Variants in TXNRD1 observed in about 807,000 individuals in gnomAD.
The protein encoded by TXNRD1 is thioredoxin reductase 1, also known as thioredoxin reductase 1, cytoplasmic.
A neutral mutation model predicts 80.3 loss-of-function variants in TXNRD1; 57 were observed. That is an observed-to-expected ratio of 0.71 (90% CI 0.57 to 0.89). The LOEUF (loss-of-function observed/expected upper bound fraction) is 0.89, where lower values mean the gene tolerates loss of function less well. Ranked by LOEUF, TXNRD1 falls within the 40% of genes least tolerant of loss-of-function variation. TXNRD1 has a pLI of 0.00. For missense variants in TXNRD1, 730 were observed against 803.0 expected (o/e 0.91, Z 1.10); for synonymous variants, 291 against 285.2 (o/e 1.02, Z -0.20).
intron 1 of TXNRD1, among the ~76,000 whole-genome samples, chr12:104,230,463 C>T (rs1458358847): frequency 6.6e-6 from 1 of 152,092 alleles, no homozygotes. Context: ...CCAAATTTTC[C>T]ACATCCTTGT....
chr12:104,253,002 G>A (rs971797701), intron 2 of TXNRD1, among the ~76,000 whole-genome samples: 2 of 151,520 alleles, frequency 1.3e-5, no homozygotes, highest in Admixed American at 6.6e-5. Context: ...GCGCCCGGCC[G>A]ATTTTATTAT....
chr12:104,321,088 CAG>C lies in TXNRD1; in HGVS notation c.990-2_990-1del. On this transcript the variant is annotated splice_acceptor_variant, in intron 9 of 16. Coordinates refer to ENST00000525566, the MANE Select transcript of TXNRD1 (RefSeq NM_001093771.3). LOFTEE classifies it high-confidence loss of function. Reference sequence around the variant, plus strand: ...TTCTTCCTTTTTTTTTTTTTTCCCCCAGTGATGATCTTTTCTCCTTGCCTTAC... The same window carrying C: ...TTCTTCCTTTTTTTTTTTTTTCCCCCTGATGATCTTTTCTCCTTGCCTTAC... The C allele has an allele frequency of 1.9e-6, 3 of 1,580,562 alleles. No homozygotes were observed. In the South Asian group the frequency reaches 3.4e-5, roughly 18 times the overall value.
intron 4 of TXNRD1, among the ~76,000 whole-genome samples, chr12:104,290,755 A>G (rs865813696): frequency 2.5e-4 from 29 of 115,070 alleles, no homozygotes; most frequent in African/African-American, 5.7e-4. Flanking sequence ...ATATATATAT[A>G]TATGTATATT....
At chr12:104,305,080 A>T in intron 4 of TXNRD1, 1 of 847,506 alleles carries the variant, frequency 1.2e-6, no homozygotes, top group Non-Finnish European at 1.7e-6. Flanking sequence ...TGTGCAGCAT[A>T]TTTTTCTTAG....
chr12:104,267,157 C>A (rs2033510832), intron 3 of TXNRD1, among the ~76,000 whole-genome samples: 1 of 95,220 alleles, frequency 1.1e-5, no homozygotes, highest in Non-Finnish European at 2.1e-5. Context: ...CAGAGTGAGA[C>A]TCCCTCTCAA....
At chr12:104,287,399 T>C (rs1593753374) in intron 3 of TXNRD1, 2 of 1,613,950 alleles carry the variant, frequency 1.2e-6, no homozygotes, top group East Asian at 4.5e-5. Context: ...TTGGTCTTTG[T>C]AGAGACAGTT....
intron 10 of TXNRD1, among the ~76,000 whole-genome samples, chr12:104,321,892 G>A (rs527749007): frequency 2.6e-5 from 4 of 152,260 alleles, no homozygotes; most frequent in Admixed American, 2.6e-4. Flanking sequence ...ATATATGAGT[G>A]ACAAAATTGA....
In TXNRD1 at chr12:104,288,961, C is replaced by T; in HGVS notation, c.335C>T (p.Ser112Leu). ...EDGRALEGTLSELAAETDLPV... is the reference protein window; with the variant it reads ...EDGRALEGTLLELAAETDLPV... ...GGTCGGGCCCTGGAAGGAACGCTCT[C>T]GGAATTGGCCGCGGAAACCGATCTG... is the stretch of plus-strand genomic sequence containing the variant. The change falls in exon 4 of 17, where the codon TCG becomes TTG. Residue 112 changes from serine (S) to leucine (L), a missense_variant. Physicochemically the swap from Ser to Leu is moderately radical, Grantham distance 145. Coordinates refer to ENST00000525566, the MANE Select transcript of TXNRD1 (RefSeq NM_001093771.3). 1 of 1,614,008 alleles carries T rather than the reference C, an allele frequency of 6.2e-7. No individual in the cohort carries two copies. The highest frequency in any genetic ancestry group is 8.5e-7 in the Non-Finnish European group (1 of 1,179,886).
chr12:104,326,337 A>G lies in TXNRD1; in HGVS notation c.1309-10A>G. 1 of 1,562,852 alleles carries G rather than the reference A, an allele frequency of 6.4e-7. No individual in the cohort carries two copies. The highest frequency in any genetic ancestry group is 8.6e-7 in the Non-Finnish European group (1 of 1,157,052). Reference sequence around the variant, plus strand: ...TGTTATTAGTCACTAATATATTAATAATTTTTCAGGTGATGCTGGCAATAG... The same window carrying G: ...TGTTATTAGTCACTAATATATTAATGATTTTTCAGGTGATGCTGGCAATAG... On this transcript the variant is annotated splice_polypyrimidine_tract_variant and intron_variant, in intron 11 of 16. Coordinates refer to ENST00000525566, the MANE Select transcript of TXNRD1 (RefSeq NM_001093771.3).
chr12:104,258,645 A>G (rs2033303126), intron 3 of TXNRD1, among the ~76,000 whole-genome samples: 1 of 152,152 alleles, frequency 6.6e-6, no homozygotes, highest in Non-Finnish European at 1.5e-5. Flanking sequence ...AATCTAATCT[A>G]GGCCTGTTGG....
At chr12:104,238,378 A>C (rs995984592) in intron 1 of TXNRD1, among the ~76,000 whole-genome samples, 1 of 152,236 alleles carries the variant, frequency 6.6e-6, no homozygotes, top group South Asian at 2.1e-4. Flanking sequence ...GCAAAACACA[A>C]GTTAACTAAA....
At chr12:104,249,255 G>C (rs2135702027) in intron 1 of TXNRD1, among the ~76,000 whole-genome samples, 1 of 152,294 alleles carries the variant, frequency 6.6e-6, no homozygotes, top group Admixed American at 6.5e-5. Context: ...TGGGCTCTCT[G>C]GAGTTTCTTT....
Position 104,241,287 on chromosome 12 carries a change from C to T in TXNRD1, c.92-10240C>T, listed in dbSNP as rs113681665. ...AACTCCTGACCTGGTGATCCGCCCG[C>T]CTCAGCATCCCAAAGTGCTGAGATT... On this transcript the variant is annotated intron_variant, in intron 1 of 16. Transcript: ENST00000525566. Among the ~76,000 whole-genome samples, 1,248 of 152,306 alleles carry T rather than the reference C, an allele frequency of 8.2e-3. 20 individuals carry two copies. The highest frequency in any genetic ancestry group is 0.028 in the African/African-American group (1,175 of 41,558).
intron 3 of TXNRD1, chr12:104,287,164 A>C: frequency 6.4e-7 from 1 of 1,564,258 alleles, no homozygotes; most frequent in Non-Finnish European, 8.6e-7. Context: ...GGATGGGAGC[A>C]CGCGGGGGAC....
chr12:104,299,838 A>G (rs1046286303), intron 4 of TXNRD1, among the ~76,000 whole-genome samples: 4 of 152,204 alleles, frequency 2.6e-5, no homozygotes, highest in African/African-American at 4.8e-5. Flanking sequence ...TGGCAAATCA[A>G]ACTAGGAATT....
At chr12:104,292,261 C>A (rs937481748) in intron 4 of TXNRD1, among the ~76,000 whole-genome samples, 2 of 151,966 alleles carry the variant, frequency 1.3e-5, no homozygotes, top group African/African-American at 4.8e-5. Flanking sequence ...AAGAGTGTTC[C>A]AAAAAAGTGT....
At chr12:104,271,605 G>A (rs1441850180) in intron 3 of TXNRD1, among the ~76,000 whole-genome samples, 2 of 152,114 alleles carry the variant, frequency 1.3e-5, no homozygotes, top group African/African-American at 4.8e-5. Flanking sequence ...CCTTCTTAAG[G>A]GTCAGGGAGA....
At chr12:104,263,772 A>G (rs2033418952) in intron 3 of TXNRD1, among the ~76,000 whole-genome samples, 1 of 152,172 alleles carries the variant, frequency 6.6e-6, no homozygotes, top group African/African-American at 2.4e-5. Context: ...TGTATTATTC[A>G]TGTCTCCTGG....
intron 1 of TXNRD1, among the ~76,000 whole-genome samples, chr12:104,246,420 T>C (rs2135699702): frequency 6.6e-6 from 1 of 151,342 alleles, no homozygotes; most frequent in African/African-American, 2.4e-5. Flanking sequence ...AGTGCGAGAC[T>C]CCATCTCAAA....
Sources: allele counts gnomAD v4.1 joint callset (sites outside exome capture counted in the v4.1 genomes callset), GRCh38; gene constraint gnomAD v4.1.1; transcripts MANE v1.5; gene names NCBI Gene and HGNC (gene_info 2026-07-23, HGNC 2026-07-21).